FAM228B: variants seen among roughly 807,000 people sequenced by gnomAD.
FAM228B encodes family with sequence similarity 228 member B, also known as protein FAM228B.
A neutral mutation model predicts 42.6 loss-of-function variants in FAM228B; 38 were observed. That is an observed-to-expected ratio of 0.89 (90% CI 0.69 to 1.17). FAM228B has a LOEUF of 1.17. Among genes scored for constraint, FAM228B ranks in the 50% most tolerant of loss-of-function variants. The probability of loss-of-function intolerance (pLI) is 0.00; values close to 1 mark genes in which losing one functional copy is unlikely to be tolerated. For missense variants in FAM228B, 344 were observed against 367.3 expected (o/e 0.94, Z 0.52); for synonymous variants, 109 against 122.3 (o/e 0.89, Z 0.72).
intron 1 of FAM228B, among the ~76,000 whole-genome samples, chr2:24,123,885 CGAGCCGCTCAGAGCTCGA>C (rs1666220824): frequency 6.6e-6 from 1 of 152,156 alleles, no homozygotes; most frequent in African/African-American, 2.4e-5. Flanking sequence ...GGGAGGACTT[CGAGCCGCTCAGAGCTCGA>C]AGACTCGCGC....
At chr2:24,146,604 T>C in intron 5 of FAM228B, 144 bp from the exon 6 acceptor site, 2 of 544,762 alleles carry the variant, frequency 3.7e-6, no homozygotes, top group South Asian at 6.2e-5. Flanking sequence ...TAAATAAATA[T>C]AATGGTAAGC....
Position 24,080,819 on chromosome 2 carries a change from C to G in FAM228B, c.-289-57C>G. The G allele has an allele frequency of 6.2e-7, 1 of 1,614,138 alleles. No individual in the cohort carries two copies. The highest frequency in any genetic ancestry group is 8.5e-7 in the Non-Finnish European group (1 of 1,180,028). On this transcript the variant is annotated intron_variant, in intron 1 of 10. Transcript: ENST00000613899. This position sits in a 1 kb window ranked among gnomAD's most constrained non-coding sequence, Gnocchi z 4.7. ...CTGAACTGTAGAAGCAGTTGTTTAC[C>G]TTTGGTGAATTTCAGCGTTGCTTCA...
chr2:24,092,363 T>G (rs1665410451), intron 2 of FAM228B, among the ~76,000 whole-genome samples: 1 of 151,506 alleles, frequency 6.6e-6, no homozygotes, highest in Non-Finnish European at 1.5e-5. Flanking sequence ...TTATTTGAGG[T>G]CAGAAGTTCT....
chr2:24,077,586 G>C lies in FAM228B; in HGVS notation c.-290+617G>C. 1 of 1,613,624 alleles carries C rather than the reference G, an allele frequency of 6.2e-7. No homozygotes were observed. On this transcript the variant is annotated intron_variant, in intron 1 of 10. Transcript: ENST00000613899. The surrounding 1 kb of genome is among the most constrained non-coding windows in gnomAD (Gnocchi z 5.5). ...GTCCTGCCCCATCCTCCTTCACTGG[G>C]GCAGTTCCAGGACGATCTTGCCTAT...
At chr2:24,091,954 G>A (rs979641447) in intron 2 of FAM228B, among the ~76,000 whole-genome samples, 1 of 152,080 alleles carries the variant, frequency 6.6e-6, no homozygotes, top group Non-Finnish European at 1.5e-5. Context: ...TAGTAGGGTT[G>A]GGAGTGTTGG....
At chr2:24,156,768 C>G (rs1020316085) in intron 7 of FAM228B, among the ~76,000 whole-genome samples, 3 of 36,874 alleles carry the variant, frequency 8.1e-5, no homozygotes, top group African/African-American at 2.2e-4. Flanking sequence ...TTATACATTT[C>G]TTTCCGCCCC....
At position 24,084,377 on chromosome 2, in the gene FAM228B, AG is replaced by A; in HGVS notation, c.-210+3425del. 7.2e-7 allele frequency: 1 copy of A among 1,381,416 alleles called. No individual in the cohort carries two copies. The highest frequency in any genetic ancestry group is 1.2e-5 in the South Asian group (1 of 80,358). 85.6% of individuals were successfully genotyped at this position (1,381,416 alleles called of 1,614,324 possible). On this transcript the variant is annotated intron_variant, in intron 2 of 10. Coordinates refer to the FAM228B transcript ENST00000613899. This position sits in a 1 kb window ranked among gnomAD's most constrained non-coding sequence, Gnocchi z 8.4. The stretch of plus-strand genomic sequence containing the variant: ...AGGGCAGGACAGGACAGGGCAGGGC[AG>A]GGCAGGACAGGACAGGGCAGGGCAG...
intron 1 of FAM228B, chr2:24,079,247 T>C (rs1387386833): frequency 1.7e-6 from 1 of 585,054 alleles, no homozygotes; most frequent in African/African-American, 1.9e-5. Context: ...ACACTTCTTT[T>C]CATGATACTG....
upstream of FAM228B, chr2:24,119,676 T>C (rs942791828): frequency 6.2e-6 from 10 of 1,608,728 alleles, no homozygotes; most frequent in African/African-American, 1.2e-4. Context: ...ACCACACCAG[T>C]GTTCTCCTGT....
chr2:24,096,250 C>T (rs547218510), intron 3 of FAM228B: 48 of 152,300 alleles, frequency 3.2e-4, no homozygotes, highest in African/African-American at 1.1e-3. Flanking sequence ...AACTCCTCGC[C>T]AGCAAAGAGA....
chr2:24,164,148 G>A (rs1235470034), intron 8 of FAM228B, 50 bp from the exon 9 acceptor site: 3 of 1,474,462 alleles, frequency 2.0e-6, no homozygotes, highest in Non-Finnish European at 2.7e-6. Flanking sequence ...AAGTGCTACA[G>A]TTGAGTTGAG....
At chr2:24,121,936 T>C (rs528074786), upstream of FAM228B, among the ~76,000 whole-genome samples, 25 of 152,204 alleles carry the variant, frequency 1.6e-4, no homozygotes, top group Non-Finnish European at 3.1e-4. Flanking sequence ...CTTTTCTTTA[T>C]AAATTACCCA....
At chr2:24,164,081 A>C in intron 8 of FAM228B, 117 bp from the exon 9 acceptor site, 2 of 987,084 alleles carry the variant, frequency 2.0e-6, no homozygotes, top group Non-Finnish European at 2.8e-6. Flanking sequence ...GTTTATTTTC[A>C]TAAAAATACA....
intron 7 of FAM228B, among the ~76,000 whole-genome samples, chr2:24,151,625 T>TTTC (rs1667025561): frequency 6.6e-6 from 1 of 151,246 alleles, no homozygotes; most frequent in African/African-American, 2.4e-5. Context: ...TTTTTTTTTT[T>TTTC]TTTTAGCTCA....
At chr2:24,153,187 A>G (rs372032803) in intron 7 of FAM228B, among the ~76,000 whole-genome samples, 2 of 152,174 alleles carry the variant, frequency 1.3e-5, no homozygotes, top group African/African-American at 2.4e-5. Context: ...GCTCTATCCT[A>G]CTATGACTGA....
chr2:24,123,120 C>T (rs1215213466), upstream of FAM228B: 1 of 152,444 alleles, frequency 6.6e-6, no homozygotes, highest in Admixed American at 6.5e-5. Context: ...ATCAGGACCT[C>T]CGGCACAGGC....
At chr2:24,113,727 A>C (rs925975546) in intron 3 of FAM228B, among the ~76,000 whole-genome samples, 7 of 152,112 alleles carry the variant, frequency 4.6e-5, no homozygotes, top group Admixed American at 4.6e-4. Context: ...AAATACAAAA[A>C]TTAGCTAGGT....
intron 2 of FAM228B, among the ~76,000 whole-genome samples, chr2:24,128,468 A>G (rs1666368666): frequency 6.6e-6 from 1 of 152,182 alleles, no homozygotes; most frequent in South Asian, 2.1e-4. Context: ...CTACAGGAAT[A>G]ATAACTTTTA....
chr2:24,124,612 C>G (rs1666257437), intron 2 of FAM228B, among the ~76,000 whole-genome samples, 152 bp downstream of exon 2: 1 of 152,030 alleles, frequency 6.6e-6, no homozygotes, highest in Non-Finnish European at 1.5e-5. Flanking sequence ...TGTATATTCA[C>G]TTTGCTGTTT....
Sources: allele counts gnomAD v4.1 joint callset (sites outside exome capture counted in the v4.1 genomes callset), GRCh38; gene constraint gnomAD v4.1.1; non-coding constraint Gnocchi (gnomAD v3.1); transcripts MANE v1.5; gene names NCBI Gene and HGNC (gene_info 2026-07-23, HGNC 2026-07-21).